KCNQ1OT1: variants seen among roughly 807,000 people sequenced by gnomAD.
KCNQ1OT1 encodes KCNQ1 antisense RNA 2 (non-protein coding).
chr11:2,643,917 G>A, exon 1 of KCNQ1OT1: 5 of 398,502 alleles, frequency 1.3e-5, no homozygotes, highest in Non-Finnish European at 2.2e-5. Flanking sequence ...TCAGCACTCT[G>A]CGTATATAAT....
exon 1 of KCNQ1OT1, chr11:2,697,734 T>C: frequency 2.5e-6 from 1 of 398,630 alleles, no homozygotes; most frequent in Non-Finnish European, 4.4e-6. Context: ...TGTTTAAGAA[T>C]TGTTGTTTAA....
At chr11:2,656,663 A>G in exon 1 of KCNQ1OT1, 1 of 397,884 alleles carries the variant, frequency 2.5e-6, no homozygotes, top group Non-Finnish European at 4.4e-6. Context: ...AGTCCTTTGC[A>G]TTTTGTGGGC....
exon 1 of KCNQ1OT1, chr11:2,694,114 C>G (rs1473012065): frequency 1.0e-5 from 4 of 398,520 alleles, no homozygotes; most frequent in African/African-American, 2.1e-5. Flanking sequence ...GGTTGTGGGA[C>G]TGGAAGTGCT....
rs961938655 is a variant in KCNQ1OT1, at chr11:2,698,581, C to T, written n.1414G>A. On this transcript the variant is annotated non_coding_transcript_exon_variant, in exon 1 of 1. Transcript: ENST00000597346. The surrounding 1 kb of genome is among the most constrained non-coding windows in gnomAD (Gnocchi z 5.1). Reference sequence around the variant, plus strand: ...CCTAATTCCTGACTCAGAATCCCCACCTAGAGGCAGAACTTCGACTTCAAT... The same window carrying T: ...CCTAATTCCTGACTCAGAATCCCCATCTAGAGGCAGAACTTCGACTTCAAT... 7.5e-6 allele frequency: 3 copies of T among 398,410 alleles called. No homozygotes were observed. The highest frequency in any genetic ancestry group is 4.4e-5 in the Admixed American group (1 of 22,708). 24.7% of individuals were successfully genotyped at this position (398,410 alleles called of 1,614,324 possible). A position where few individuals can be genotyped will look rare whatever the true frequency, so the allele number is the denominator to read the frequency against.
exon 1 of KCNQ1OT1, chr11:2,697,296 A>T: frequency 2.5e-6 from 1 of 398,562 alleles, no homozygotes; most frequent in Non-Finnish European, 4.4e-6. Flanking sequence ...GTAACACCAA[A>T]ATGTTTGAGA....
chr11:2,667,106 G>A (rs906875836), exon 1 of KCNQ1OT1: 17 of 398,520 alleles, frequency 4.3e-5, no homozygotes, highest in African/African-American at 2.7e-4. Flanking sequence ...AATTAAAACC[G>A]AGGCGTAATG....
At position 2,660,569 on chromosome 11, in the gene KCNQ1OT1, C is replaced by T. The variant is rs774065083; in HGVS notation, n.39426G>A. 377 of 398,424 alleles carry T rather than the reference C, an allele frequency of 9.5e-4. 1 individual carries two copies. The highest frequency in any genetic ancestry group is 1.9e-3 in the Middle Eastern group (3 of 1,610). 24.7% of individuals were successfully genotyped at this position (398,424 alleles called of 1,614,324 possible). A position where few individuals can be genotyped will look rare whatever the true frequency, so the allele number is the denominator to read the frequency against. On this transcript the variant is annotated non_coding_transcript_exon_variant, in exon 1 of 1. Coordinates refer to ENST00000597346, the Ensembl canonical transcript of KCNQ1OT1. ...GTGATAAGCAAAAGTGAGCAAAGGA[C>T]ATGAACAGGCAATTCTGCAAGAGGA...
rs1848999388 is a variant in KCNQ1OT1 at position 2,612,612 on chromosome 11, G to T, written n.87383C>A. The T allele has an allele frequency of 5.0e-6, 2 of 398,252 alleles. No homozygotes were observed. The highest frequency in any genetic ancestry group is 8.8e-5 in the Admixed American group (2 of 22,696). 24.7% of individuals were successfully genotyped at this position (398,252 alleles called of 1,614,324 possible). ...GGTTTCTAATTTCTATCTCTATATT[G>T]ATATTATCTATTTGATGAGTCTTTG... On this transcript the variant is annotated non_coding_transcript_exon_variant, in exon 1 of 1. Coordinates refer to ENST00000597346, the Ensembl canonical transcript of KCNQ1OT1. This position sits in a 1 kb window ranked among gnomAD's most constrained non-coding sequence, Gnocchi z 5.5.
exon 1 of KCNQ1OT1, chr11:2,622,349 T>G (rs192678367): frequency 2.5e-6 from 1 of 398,358 alleles, no homozygotes; most frequent in East Asian, 3.6e-5. Context: ...TTATTTCTTT[T>G]ATTAGTATAA....
At chr11:2,619,712 A>G (rs1435801359) in exon 1 of KCNQ1OT1, 1 of 201,102 alleles carries the variant, frequency 5.0e-6, no homozygotes, top group African/African-American at 2.4e-5. Flanking sequence ...CTTTAGCTGC[A>G]TTTTTTTTTT....
exon 1 of KCNQ1OT1, chr11:2,688,906 G>A (rs1318651606): frequency 2.5e-6 from 1 of 398,936 alleles, no homozygotes; most frequent in East Asian, 3.6e-5. Flanking sequence ...GTGGGGCTAG[G>A]GCCACCCCAC....
rs909663809 is a variant in KCNQ1OT1, at chr11:2,692,949, C to T, written n.7046G>A. ...TCCCAAGCAGGTTGTCCTGCCCATA[C>T]GCTCAATAATGAGGCCCACTGAACT... On this transcript the variant is annotated non_coding_transcript_exon_variant, in exon 1 of 1. Coordinates refer to ENST00000597346, the Ensembl canonical transcript of KCNQ1OT1. 25 of 398,688 alleles carry T rather than the reference C, an allele frequency of 6.3e-5. No homozygotes were observed. In the Admixed American group the frequency reaches 7.5e-4, roughly 12 times the overall value. The allele number at this position is 398,688 out of a possible 1,614,324, so 24.7% of individuals were successfully genotyped here.
rs933651843 is a variant in KCNQ1OT1, at chr11:2,671,745, C to T, written n.28250G>A. On this transcript the variant is annotated non_coding_transcript_exon_variant, in exon 1 of 1. Coordinates refer to ENST00000597346, the Ensembl canonical transcript of KCNQ1OT1. The surrounding 1 kb of genome is among the most constrained non-coding windows in gnomAD (Gnocchi z 4.7). ...GCAAGGCTTTTCAGAGAACAAGGAG[C>T]TACATACACATACATGCATGCACAT... 8.3e-5 allele frequency: 33 copies of T among 398,558 alleles called. No individual in the cohort carries two copies. The highest frequency in any genetic ancestry group is 6.2e-4 in the African/African-American group (30 of 48,620). 24.7% of individuals were successfully genotyped at this position (398,558 alleles called of 1,614,324 possible).
chr11:2,655,449 G>A (rs571019036), exon 1 of KCNQ1OT1: 3 of 398,688 alleles, frequency 7.5e-6, no homozygotes, highest in African/African-American at 6.2e-5. Context: ...GTTCAGCAAA[G>A]GGCACCTGGC....
exon 1 of KCNQ1OT1, chr11:2,631,093 G>A (rs1351045070): frequency 2.5e-6 from 1 of 398,384 alleles, no homozygotes; most frequent in African/African-American, 2.1e-5. Context: ...AATTCTTTGA[G>A]CTTCATGTAC....
Position 2,613,090 on chromosome 11 carries a change from C to A in KCNQ1OT1, n.86905G>T. On this transcript the variant is annotated non_coding_transcript_exon_variant, in exon 1 of 1. Coordinates refer to ENST00000597346, the Ensembl canonical transcript of KCNQ1OT1. This position sits in a 1 kb window ranked among gnomAD's most constrained non-coding sequence, Gnocchi z 4.8. ...ACCTAGTGGTCAAGCCATGATTAGT[C>A]AGACATTTGTTTAAACATCTTGAGC... 2.5e-6 allele frequency: 1 copy of A among 398,590 alleles called. No homozygotes were observed. Among genetic ancestry groups the A allele is most frequent in the South Asian group, 1.3e-4 (1 of 7,840 alleles). 24.7% of individuals were successfully genotyped at this position (398,590 alleles called of 1,614,324 possible).
exon 1 of KCNQ1OT1, chr11:2,625,465 G>C: frequency 2.5e-6 from 1 of 398,452 alleles, no homozygotes; most frequent in East Asian, 3.6e-5. Flanking sequence ...GTGTATGTAA[G>C]GTTGTGGTTT....
At chr11:2,614,278 T>C (rs1849025451) in exon 1 of KCNQ1OT1, 2 of 398,524 alleles carry the variant, frequency 5.0e-6, no homozygotes, top group African/African-American at 2.1e-5. Context: ...GTTCTCCATG[T>C]TGACATTTAA....
rs1384119120 is a variant in KCNQ1OT1, at chr11:2,687,197, G to A, written n.12798C>T. 5.0e-6 allele frequency: 2 copies of A among 398,646 alleles called. No homozygotes were observed. Among genetic ancestry groups the A allele is most frequent in the Non-Finnish European group, 8.8e-6 (2 of 226,076 alleles). The allele number at this position is 398,646 out of a possible 1,614,324, so 24.7% of individuals were successfully genotyped here. On this transcript the variant is annotated non_coding_transcript_exon_variant, in exon 1 of 1. Transcript: ENST00000597346. The surrounding 1 kb of genome is among the most constrained non-coding windows in gnomAD (Gnocchi z 5.0). ...CTGCCAAAAGCCCAGGCTGGATAGG[G>A]AGCATCACACTGTTGGGAAATGTGC... is the stretch of plus-strand genomic sequence containing the variant.
Sources: allele counts gnomAD v4.1 joint callset, GRCh38; gene constraint gnomAD v4.1.1; non-coding constraint Gnocchi (gnomAD v3.1); transcripts MANE v1.5; gene names NCBI Gene and HGNC (gene_info 2026-07-23, HGNC 2026-07-21).